Variants in FGD6 observed in about 807,000 individuals in gnomAD.
FGD6 encodes the protein FYVE, RhoGEF and PH domain containing 6.
Under a neutral mutation model 149.4 loss-of-function variants are expected in FGD6, and 90 were observed. The ratio of observed to expected loss-of-function variants is 0.60; its 90% CI spans 0.51 to 0.72. The LOEUF is 0.72. Among genes scored for constraint, FGD6 ranks in the 30% least tolerant of loss-of-function variants. The pLI is 0.00. For missense variants in FGD6, 1,437 were observed against 1,684.8 expected (o/e 0.85, Z 2.57); for synonymous variants, 527 against 584.0 (o/e 0.90, Z 1.41).
chr12:95,154,587 C>G (rs1197554604), intron 3 of FGD6, among the ~76,000 whole-genome samples: 2 of 152,122 alleles, frequency 1.3e-5, no homozygotes, highest in Non-Finnish European at 1.5e-5. Flanking sequence ...AAAATGATGA[C>G]TGCTGACATT....
chr12:95,141,278 T>A, intron 6 of FGD6, 110 bp downstream of exon 6: 1 of 1,146,376 alleles, frequency 8.7e-7, no homozygotes, highest in Non-Finnish European at 1.2e-6. Context: ...AAAGACAATA[T>A]ATTCAAACAA....
In FGD6 at chr12:95,211,103, T is replaced by C; in HGVS notation, c.181A>G (p.Thr61Ala). ...AIAPKPKVLK[T>A]SPVREIGQSP... ...TGCCCAATCTCTCGAACAGGTGAGG[T>C]CTTCAGGACTTTTGGTTTTGGGGCT... Residue 61 changes from threonine (T) to alanine (A), a missense_variant, in exon 2 of 21, where the codon ACC becomes GCC. Around this residue, in one of 2 missense-constraint regions of FGD6, gnomAD observed 1,055 missense variants for 1,146.0 expected, o/e 0.92. Transcript: ENST00000343958. 1 of 1,614,176 alleles carries C rather than the reference T, an allele frequency of 6.2e-7. No homozygotes were observed. The highest frequency in any genetic ancestry group is 1.1e-5 in the South Asian group (1 of 91,084).
At chr12:95,108,218 G>A (rs985997417) in intron 11 of FGD6, 130 bp downstream of exon 11, 14 of 786,048 alleles carry the variant, frequency 1.8e-5, no homozygotes, top group African/African-American at 8.8e-5. Flanking sequence ...TGTTTTGAAC[G>A]GATAAAGTGA....
At chr12:95,082,984 TAAAAAAA>T (rs1173446654) in intron 20 of FGD6, among the ~76,000 whole-genome samples, 20 of 31,120 alleles carry the variant, frequency 6.4e-4, no homozygotes, top group African/African-American at 2.7e-3. Flanking sequence ...CTGTCTCCAT[TAAAAAAA>T]AAAAAAAAAA....
At chr12:95,205,672 T>C (rs1408005513) in intron 2 of FGD6, among the ~76,000 whole-genome samples, 1 of 152,228 alleles carries the variant, frequency 6.6e-6, no homozygotes, top group Non-Finnish European at 1.5e-5. Context: ...GTTCATTTAT[T>C]TGATCTCAGG....
intron 2 of FGD6, among the ~76,000 whole-genome samples, chr12:95,203,460 C>T (rs555679532): frequency 6.6e-6 from 1 of 152,196 alleles, no homozygotes; most frequent in Non-Finnish European, 1.5e-5. Context: ...CTCCTAAACA[C>T]CAGATCTAAT....
chr12:95,111,741 A>G (rs771811401), intron 9 of FGD6, among the ~76,000 whole-genome samples: 2 of 152,128 alleles, frequency 1.3e-5, no homozygotes, highest in African/African-American at 2.4e-5. Context: ...TTCATCAACT[A>G]GATATGATCA....
intron 3 of FGD6, among the ~76,000 whole-genome samples, chr12:95,170,167 G>A (rs1191949191): frequency 1.3e-5 from 2 of 152,100 alleles, no homozygotes; most frequent in Admixed American, 6.6e-5. Context: ...ATTCTTCACA[G>A]GCTTTGGTTC....
rs140707848 is a variant in FGD6 at position 95,165,867 on chromosome 12, G to A, written c.2586+6733C>T. 5.1e-3 allele frequency among the ~76,000 whole-genome samples: 765 copies of A among 150,856 alleles called. 11 individuals carry two copies. Among genetic ancestry groups the A allele is most frequent in the African/African-American group, 0.018 (722 of 41,076 alleles). Reference sequence around the variant, plus strand: ...TTGCCATGTTGTCCAGATTGGTCTCGAACTCCTGGGCTCAAGAGATCTGTC... The same window carrying A: ...TTGCCATGTTGTCCAGATTGGTCTCAAACTCCTGGGCTCAAGAGATCTGTC... On this transcript the variant is annotated intron_variant, in intron 3 of 20. Coordinates refer to ENST00000343958, the MANE Select transcript of FGD6 (RefSeq NM_018351.4).
At chr12:95,095,373 A>ATT (rs35449472) in intron 14 of FGD6, among the ~76,000 whole-genome samples, 6 of 150,026 alleles carry the variant, frequency 4.0e-5, no homozygotes, top group Admixed American at 6.7e-5. Context: ...AGACAAGGGT[A>ATT]TTTTTTTTTT....
At chr12:95,123,052 C>CA (rs35064717) in intron 8 of FGD6, among the ~76,000 whole-genome samples, 42,090 of 138,158 alleles carry the variant, frequency 0.3, 6,091 homozygotes, top group African/African-American at 0.33. Context: ...GAGACTCTGT[C>CA]AAAAAAAAAA....
chr12:95,155,666 T>C (rs906866272), intron 3 of FGD6, among the ~76,000 whole-genome samples: 7 of 152,198 alleles, frequency 4.6e-5, no homozygotes, highest in African/African-American at 1.4e-4. Context: ...TCATAAATAG[T>C]AGTCAGTCAT....
intron 3 of FGD6, 81 bp downstream of exon 3, chr12:95,172,519 G>A: frequency 8.1e-7 from 1 of 1,231,458 alleles, no homozygotes; most frequent in Non-Finnish European, 1.1e-6. Context: ...AACTCACAAG[G>A]GTTTCTGTGC....
At chr12:95,104,254 A>G (rs1326741934) in intron 14 of FGD6, among the ~76,000 whole-genome samples, 1 of 152,148 alleles carries the variant, frequency 6.6e-6, no homozygotes, top group Non-Finnish European at 1.5e-5. Flanking sequence ...AAGTGCAAAA[A>G]GTGTTGGCAA....
At chr12:95,135,708 A>C (rs1289634240) in intron 7 of FGD6, among the ~76,000 whole-genome samples, 1 of 152,214 alleles carries the variant, frequency 6.6e-6, no homozygotes, top group African/African-American at 2.4e-5. Context: ...ATTTGCTCAG[A>C]CTTTTATCAT....
Position 95,079,270 on chromosome 12 carries a change from T to C in FGD6, c.*2250A>G, listed in dbSNP as rs1877591580. ...ACTACACATTTTTCTAAACCCTCCA[T>C]GGGGCTAAGCCAATAGGTAATACAG... is the stretch of plus-strand genomic sequence containing the variant. On this transcript the variant is annotated 3_prime_UTR_variant, in exon 21 of 21. Transcript: ENST00000343958. 6.6e-6 allele frequency: 1 copy of C among 152,210 alleles called. No homozygotes were observed. Among genetic ancestry groups the C allele is most frequent in the Non-Finnish European group, 1.5e-5 (1 of 68,026 alleles). The allele number at this position is 152,210 out of a possible 1,614,324, so 9.4% of individuals were successfully genotyped here.
rs933743725 is a variant in FGD6 at position 95,079,860 on chromosome 12, T to C, written c.*1660A>G. The C allele has an allele frequency of 2.0e-5, 3 of 152,070 alleles. No individual in the cohort carries two copies. Among genetic ancestry groups the C allele is most frequent in the African/African-American group, 7.2e-5 (3 of 41,400 alleles). 9.4% of individuals were successfully genotyped at this position (152,070 alleles called of 1,614,324 possible). A position where few individuals can be genotyped will look rare whatever the true frequency, so the allele number is the denominator to read the frequency against. ...TCATGGTTGCTGTTAAGGATCACAC[T>C]GAATTAGGAAATCCTTTATTTAGAG... On this transcript the variant is annotated 3_prime_UTR_variant, in exon 21 of 21. Coordinates refer to ENST00000343958, the MANE Select transcript of FGD6 (RefSeq NM_018351.4).
At chr12:95,159,960 T>C (rs1010284728) in intron 3 of FGD6, among the ~76,000 whole-genome samples, 13 of 150,002 alleles carry the variant, frequency 8.7e-5, no homozygotes, top group African/African-American at 3.2e-4. Context: ...TGAGCTATCA[T>C]CACAATATTG....
intron 8 of FGD6, among the ~76,000 whole-genome samples, chr12:95,133,837 C>G (rs537256320): frequency 4.6e-5 from 7 of 152,118 alleles, no homozygotes; most frequent in Non-Finnish European, 1.0e-4. Context: ...TTTCAATAAG[C>G]CTGTTATCTC....
Sources: gnomAD v4.1 joint callset for allele counts (sites outside exome capture counted in the v4.1 genomes callset) on GRCh38, gnomAD v4.1.1 for gene constraint, gnomAD v4.1.1 regional missense constraint, MANE v1.5 for transcripts, NCBI Gene and HGNC (gene_info 2026-07-23, HGNC 2026-07-21) for gene names.